PTRH1: variants seen among roughly 807,000 people sequenced by gnomAD.
The protein encoded by PTRH1 is peptidyl-tRNA hydrolase.
In PTRH1, 13 loss-of-function variants were observed where a neutral mutation model predicts 15.7. The ratio of observed to expected loss-of-function variants is 0.83; its 90% CI spans 0.54 to 1.31. The LOEUF (loss-of-function observed/expected upper bound fraction) is 1.31, where lower values mean the gene tolerates loss of function less well. PTRH1 is among the 40% of genes most tolerant of loss of function. The pLI, the probability that PTRH1 is intolerant of heterozygous loss-of-function variation, is 0.00. For synonymous variants in PTRH1, 139 were observed against 136.7 expected, an observed-to-expected ratio of 1.02 and a Z score of -0.12; for missense variants, 319 against 296.2, an observed-to-expected ratio of 1.08 and a Z score of -0.56.
upstream of PTRH1, chr9:127,715,666 C>T (rs1842959847): frequency 6.2e-7 from 1 of 1,604,678 alleles, no homozygotes; most frequent in South Asian, 1.1e-5. This position sits in a 1 kb window ranked among gnomAD's most constrained non-coding sequence, Gnocchi z 5.8. Context: ...CCGACACCGC[C>T]CCCTGACGTC....
chr9:127,715,605 C>G lies in PTRH1; in HGVS notation c.35G>C (p.Arg12Pro). Residue 12 changes from arginine to proline, a missense_variant, in exon 1 of 5, where the codon CGG becomes CCG. Transcript: ENST00000543175. The surrounding 1 kb of genome is among the most constrained non-coding windows in gnomAD (Gnocchi z 5.8). ...RPGGFLGAGQ[R>P]LSRAMSRCVL... is the part of the protein sequence containing the mutation. ...ACATCGGCTCATGGCTCTACTCAGC[C>G]GCTGTCCGGCGCCCAAAAAGCCGCC... is the stretch of plus-strand genomic sequence containing the variant. The G allele has an allele frequency of 6.2e-7, 1 of 1,613,070 alleles. No individual in the cohort carries two copies. The highest frequency in any genetic ancestry group is 1.1e-5 in the South Asian group (1 of 91,072).
intron 1 of PTRH1, chr9:127,707,245 C>A: frequency 6.3e-7 from 1 of 1,583,236 alleles, no homozygotes; most frequent in Admixed American, 1.7e-5. Flanking sequence ...AGCCCATGCC[C>A]AGGTGGCCCC....
chr9:127,712,623 A>C (rs773501587), downstream of PTRH1: 2 of 1,608,546 alleles, frequency 1.2e-6, no homozygotes, highest in South Asian at 2.2e-5. Flanking sequence ...AACTTCGTGG[A>C]AATGGGCACT....
chr9:127,709,358 A>C, downstream of PTRH1: 1 of 1,547,938 alleles, frequency 6.5e-7, no homozygotes, highest in Non-Finnish European at 8.8e-7. The surrounding 1 kb of genome is among the most constrained non-coding windows in gnomAD (Gnocchi z 4.7). Flanking sequence ...GAGTGGGCCC[A>C]GCTGCACCAG....
intron 1 of PTRH1, chr9:127,706,848 G>C: frequency 1.6e-6 from 1 of 634,746 alleles, no homozygotes; most frequent in South Asian, 2.5e-5. Context: ...GGGACTCCTG[G>C]GCCTGGGGCC....
At chr9:127,708,001 T>C (rs1842685235) in intron 1 of PTRH1, among the ~76,000 whole-genome samples, 1 of 152,008 alleles carries the variant, frequency 6.6e-6, no homozygotes, top group Non-Finnish European at 1.5e-5. Context: ...GTCATCCCCA[T>C]TGCACAGATG....
At chr9:127,711,145 G>A, downstream of PTRH1, 2 of 1,519,728 alleles carry the variant, frequency 1.3e-6, no homozygotes, top group Non-Finnish European at 1.8e-6. Context: ...ACAGCCCTAG[G>A]TGCTCTGGGA....
chr9:127,700,316 C>T (rs1028031251), intron 1 of PTRH1, among the ~76,000 whole-genome samples: 7 of 152,146 alleles, frequency 4.6e-5, no homozygotes, highest in African/African-American at 1.2e-4. Flanking sequence ...ACCCACACCC[C>T]TTATGGGCAG....
chr9:127,711,814 C>G, downstream of PTRH1: 2 of 1,559,046 alleles, frequency 1.3e-6, no homozygotes, highest in East Asian at 4.8e-5. Flanking sequence ...CTGTCCGCAC[C>G]CGCAGATCAT....
downstream of PTRH1, chr9:127,711,084 C>T (rs1009814169): frequency 1.5e-5 from 15 of 1,003,698 alleles, no homozygotes; most frequent in Non-Finnish European, 1.9e-5. Flanking sequence ...ACAGGGAAAG[C>T]CTCCCACCCA....
At chr9:127,708,282 G>T (rs368568225) in intron 1 of PTRH1, among the ~76,000 whole-genome samples, 4 of 152,276 alleles carry the variant, frequency 2.6e-5, no homozygotes, top group East Asian at 3.9e-4. Context: ...TTCGAGACCA[G>T]CCTGACCAAC....
downstream of PTRH1, chr9:127,709,332 G>A (rs1842710805): frequency 3.6e-6 from 5 of 1,378,956 alleles, no homozygotes; most frequent in East Asian, 7.4e-5. This position sits in a 1 kb window ranked among gnomAD's most constrained non-coding sequence, Gnocchi z 4.7. Context: ...CCCTTTACGG[G>A]ACAGGGAGTC....
downstream of PTRH1, chr9:127,711,794 G>A: frequency 6.5e-7 from 1 of 1,549,522 alleles, no homozygotes; most frequent in Non-Finnish European, 8.7e-7. Flanking sequence ...CAGGCTGAGG[G>A]CATGGCCACC....
downstream of PTRH1, chr9:127,709,346 G>A (rs1484622998): frequency 1.3e-6 from 2 of 1,487,918 alleles, no homozygotes; most frequent in Non-Finnish European, 9.1e-7. The surrounding 1 kb of genome is among the most constrained non-coding windows in gnomAD (Gnocchi z 4.7). Context: ...GGGAGTCCAG[G>A]AGAGTGGGCC....
chr9:127,713,345 G>A, downstream of PTRH1: 2 of 687,732 alleles, frequency 2.9e-6, no homozygotes, highest in Non-Finnish European at 4.6e-6. Flanking sequence ...AAAATGGGCT[G>A]AAGAAAGGAG....
At chr9:127,714,577 C>T (rs1366576934) in intron 3 of PTRH1, 26 bp downstream of exon 3, 3 of 1,609,674 alleles carry the variant, frequency 1.9e-6, no homozygotes, top group African/African-American at 2.7e-5. Context: ...AGCCCTATCC[C>T]AACCCTGACC....
downstream of PTRH1, chr9:127,712,164 G>A: frequency 6.2e-7 from 1 of 1,611,870 alleles, no homozygotes; most frequent in Non-Finnish European, 8.5e-7. Context: ...CTGGGGAAGG[G>A]GGAAGGCTGT....
downstream of PTRH1, chr9:127,710,766 G>A: frequency 6.4e-7 from 1 of 1,558,662 alleles, no homozygotes; most frequent in South Asian, 1.2e-5. Flanking sequence ...TGGGCAAGCG[G>A]GGCACCCTTT....
Position 127,715,518 on chromosome 9 carries a change from C to A in PTRH1, c.96+26G>T. The stretch of plus-strand genomic sequence containing the variant: ...AACTGAAGCTAGGGACCGGGAGCCC[C>A]TACGTCGCCGCCCCACGCCACTCAC... On this transcript the variant is annotated intron_variant, in intron 1 of 4. Coordinates refer to ENST00000543175, the MANE Select transcript of PTRH1 (RefSeq NM_001002913.3). This position sits in a 1 kb window ranked among gnomAD's most constrained non-coding sequence, Gnocchi z 5.8. 1 of 1,613,080 alleles carries A rather than the reference C, an allele frequency of 6.2e-7. No individual in the cohort carries two copies. Among genetic ancestry groups the A allele is most frequent in the African/African-American group, 1.3e-5 (1 of 75,046 alleles).
Sources: gnomAD v4.1 joint callset for allele counts (sites outside exome capture counted in the v4.1 genomes callset) on GRCh38, gnomAD v4.1.1 for gene constraint, Gnocchi (gnomAD v3.1) non-coding constraint, MANE v1.5 for transcripts, NCBI Gene and HGNC (gene_info 2026-07-23, HGNC 2026-07-21) for gene names.